The following PCGF3 variants were observed in gnomAD, a reference collection of about 807,000 sequenced individuals.
PCGF3 encodes polycomb group RING finger protein 3.
In PCGF3, 7 loss-of-function variants were observed where a neutral mutation model predicts 33.1. The ratio of observed to expected loss-of-function variants is 0.21; its 90% CI spans 0.12 to 0.40. The LOEUF (loss-of-function observed/expected upper bound fraction) is 0.40. Among genes scored for constraint, PCGF3 ranks in the 10% least tolerant of loss-of-function variants. The probability of loss-of-function intolerance (pLI) is 1.00; values close to 1 mark genes in which losing one functional copy is unlikely to be tolerated. For synonymous variants in PCGF3, 153 were observed against 121.3 expected (o/e 1.26, Z -1.72); for missense variants, 211 against 313.3 (o/e 0.67, Z 2.46).
At chr4:732,922 A>AT (rs1743664519) in intron 3 of PCGF3, among the ~76,000 whole-genome samples, 1 of 152,204 alleles carries the variant, frequency 6.6e-6, no homozygotes, top group South Asian at 2.1e-4. Context: ...GTGCGGTGAC[A>AT]TCGGGGGTCA....
chr4:766,637 C>T (rs1181146446), exon 11 of PCGF3: 1 of 152,116 alleles, frequency 6.6e-6, no homozygotes, highest in East Asian at 1.9e-4. Context: ...ATGATTTAAC[C>T]ATTGTATTTA....
At chr4:743,679 C>T (rs952380997) in intron 7 of PCGF3, 95 bp downstream of exon 7, 7 of 728,084 alleles carry the variant, frequency 9.6e-6, no homozygotes, top group East Asian at 8.2e-5. Context: ...CCCTCCCACA[C>T]GCACTCACGG....
chr4:719,331 C>A (rs543526346), intron 1 of PCGF3, among the ~76,000 whole-genome samples: 1 of 152,368 alleles, frequency 6.6e-6, no homozygotes, highest in South Asian at 2.1e-4. Context: ...TTCCTCCTAA[C>A]CTGGTCGTCT....
At chr4:765,837 A>G (rs914393734) in intron 10 of PCGF3, among the ~76,000 whole-genome samples, 195 bp from the exon 11 acceptor site, 3 of 152,208 alleles carry the variant, frequency 2.0e-5, no homozygotes, top group Admixed American at 6.5e-5. Flanking sequence ...GAGAGGGCAC[A>G]TGTCTTCCTA....
At chr4:717,448 C>T (rs1454246892) in intron 1 of PCGF3, among the ~76,000 whole-genome samples, 2 of 152,098 alleles carry the variant, frequency 1.3e-5, no homozygotes, top group African/African-American at 2.4e-5. Context: ...GGCAGGGTCT[C>T]GGCTCACTGT....
At chr4:758,245 G>A (rs532294484) in intron 8 of PCGF3, among the ~76,000 whole-genome samples, 4 of 148,078 alleles carry the variant, frequency 2.7e-5, no homozygotes, top group Admixed American at 6.7e-5. Flanking sequence ...CCCCCACCGC[G>A]GCTCTCACCG....
At position 761,232 on chromosome 4, in the gene PCGF3, C is replaced by T. The variant is rs778427573; in HGVS notation, c.463-47C>T. ...TGTCTAAGGAAGCCTCCAGAACCGTCCGGGGGAACCCTCCTGCTGCGCTCT... is the reference window on the plus strand; with the variant it reads ...TGTCTAAGGAAGCCTCCAGAACCGTTCGGGGGAACCCTCCTGCTGCGCTCT... On this transcript the variant is annotated intron_variant, in intron 8 of 10. Transcript: ENST00000362003. The T allele has an allele frequency of 2.7e-6, 4 of 1,506,180 alleles. No homozygotes were observed. In the South Asian group the frequency reaches 5.2e-5, roughly 20 times the overall value. The allele number at this position is 1,506,180 out of a possible 1,614,324, so 93.3% of individuals were successfully genotyped here.
chr4:767,249 G>A (rs969172671), exon 11 of PCGF3: 4 of 152,202 alleles, frequency 2.6e-5, no homozygotes, highest in Admixed American at 6.5e-5. Context: ...TGGTTGCACC[G>A]TTAGCCCCTC....
intron 8 of PCGF3, among the ~76,000 whole-genome samples, chr4:748,564 G>A (rs1240008324): frequency 3.9e-5 from 6 of 152,224 alleles, no homozygotes; most frequent in Non-Finnish European, 7.3e-5. Context: ...AAATAGACAC[G>A]TGTGTCCAAC....
chr4:732,221 C>A (rs1434743345), intron 3 of PCGF3, among the ~76,000 whole-genome samples: 3 of 148,460 alleles, frequency 2.0e-5, no homozygotes, highest in South Asian at 4.3e-4. Context: ...GGGCGTGGTC[C>A]TTAGGGGCGT....
intron 8 of PCGF3, among the ~76,000 whole-genome samples, chr4:758,786 G>T (rs113243903): frequency 1.9e-4 from 3 of 15,510 alleles, no homozygotes; most frequent in Non-Finnish European, 1.7e-4. Flanking sequence ...CTTTCTCCCC[G>T]CGCGGCCCCT....
At chr4:710,676 T>A (rs1742525737) in intron 1 of PCGF3, among the ~76,000 whole-genome samples, 1 of 152,220 alleles carries the variant, frequency 6.6e-6, no homozygotes. Context: ...TAAAAGAAGA[T>A]AAATTACAGA....
chr4:755,826 A>G (rs1744742132), intron 8 of PCGF3, among the ~76,000 whole-genome samples: 1 of 151,450 alleles, frequency 6.6e-6, no homozygotes, highest in African/African-American at 2.4e-5. Context: ...ACTGAATTGC[A>G]ATGATTTATT....
intron 1 of PCGF3, among the ~76,000 whole-genome samples, chr4:728,123 C>T (rs147255850): frequency 1.1e-3 from 160 of 152,298 alleles, no homozygotes; most frequent in African/African-American, 3.6e-3. Flanking sequence ...ATATCTTGTC[C>T]GTGCTCGGAC....
intron 9 of PCGF3, chr4:762,941 T>C (rs961106531): frequency 2.0e-5 from 3 of 151,644 alleles, no homozygotes; most frequent in African/African-American, 7.3e-5. Flanking sequence ...CTGCTCGGTT[T>C]GGGGTGGGGG....
chr4:743,670 C>G (rs1744191229), intron 7 of PCGF3, 86 bp downstream of exon 7: 1 of 776,290 alleles, frequency 1.3e-6, no homozygotes, highest in South Asian at 1.6e-5. Context: ...TCTGCCGGCC[C>G]CTCCCACACG....
intron 1 of PCGF3, among the ~76,000 whole-genome samples, chr4:716,928 C>T (rs1168708113): frequency 1.5e-5 from 2 of 137,472 alleles, no homozygotes; most frequent in Non-Finnish European, 3.1e-5. Context: ...GGCGTGGGTG[C>T]TGGGACCCTG....
intron 9 of PCGF3, chr4:761,640 G>C: frequency 1.0e-6 from 1 of 983,626 alleles, no homozygotes; most frequent in Non-Finnish European, 1.2e-6. Context: ...GTGAGTGGAA[G>C]AGAGAACTAG....
intron 10 of PCGF3, among the ~76,000 whole-genome samples, chr4:765,314 T>C (rs1745301789): frequency 1.3e-5 from 2 of 152,060 alleles, no homozygotes; most frequent in South Asian, 4.2e-4. Context: ...GCACCTGTAG[T>C]CTCAGCTACT....
Sources: allele counts gnomAD v4.1 joint callset (sites outside exome capture counted in the v4.1 genomes callset), GRCh38; gene constraint gnomAD v4.1.1; transcripts MANE v1.5; gene names NCBI Gene and HGNC (gene_info 2026-07-23, HGNC 2026-07-21).